The following ODAD3 variants were observed in gnomAD, a reference collection of about 807,000 sequenced individuals.
ODAD3 encodes outer dynein arm docking complex subunit 3.
In ODAD3, 57 loss-of-function variants were observed where a neutral mutation model predicts 70.9. The ratio of observed to expected loss-of-function variants is 0.80; its 90% confidence interval spans 0.65 to 1.00. ODAD3 has a LOEUF of 1.00. Ranked by LOEUF, ODAD3 falls within the 50% of genes least tolerant of loss-of-function variation. ODAD3 has a pLI of 0.00. For synonymous variants in ODAD3, 327 were observed against 315.9 expected, an observed-to-expected ratio of 1.04 and a Z score of -0.37; for missense variants, 797 against 763.9, an observed-to-expected ratio of 1.04 and a Z score of -0.51.
Position 11,429,899 on chromosome 19 carries a change from G to A in ODAD3, c.444+800C>T, listed in dbSNP as rs112401086. Among the ~76,000 whole-genome samples, 526 of 149,694 alleles carry A rather than the reference G, an allele frequency of 3.5e-3. 3 individuals are homozygous for A. The highest frequency in any genetic ancestry group is 0.012 in the African/African-American group (499 of 40,532). ...GTCACTCAGGCTGGAGTGCAGTGGT[G>A]CAATTGTGGCTCATTATAGTCTCAA... On this transcript the variant is annotated intron_variant, in intron 3 of 12. Transcript: ENST00000356392.
At chr19:11,423,827 G>T in intron 8 of ODAD3, 50 bp downstream of exon 8, 2 of 1,457,824 alleles carry the variant, frequency 1.4e-6, no homozygotes, top group East Asian at 2.7e-5. Context: ...CCTGGGGCCC[G>T]TCTGGGGTGG....
Position 11,422,312 on chromosome 19 carries a change from G to T in ODAD3, c.1434+159C>A, listed in dbSNP as rs2144754719. On this transcript the variant is annotated intron_variant, in intron 10 of 12. Transcript: ENST00000356392. The surrounding 1 kb of genome is among the most constrained non-coding windows in gnomAD (Gnocchi z 4.6). ...TGGGGCGGGGACTCTGAGGAATGGG[G>T]TGGGGCTTCCCCTGTGGGCGGGGCC... Among the ~76,000 whole-genome samples the T allele has an allele frequency of 6.6e-6, 1 of 152,172 alleles. No individual in the cohort carries two copies. Among genetic ancestry groups the T allele is most frequent in the South Asian group, 2.1e-4 (1 of 4,812 alleles).
chr19:11,434,575 G>T (rs1278735764), intron 1 of ODAD3, 198 bp downstream of exon 1: 5 of 478,542 alleles, frequency 1.0e-5, no homozygotes, highest in South Asian at 5.3e-5. Flanking sequence ...TTACAAGAAA[G>T]TATGAAGTAC....
intron 7 of ODAD3, among the ~76,000 whole-genome samples, 186 bp downstream of exon 7, chr19:11,425,958 G>A (rs1243231847): frequency 1.3e-5 from 2 of 151,052 alleles, no homozygotes; most frequent in Non-Finnish European, 3.0e-5. Context: ...AGGAGGGGAG[G>A]GGAGGAGAGG....
At position 11,422,732 on chromosome 19, in the gene ODAD3, G is replaced by A. The variant is rs777621110; in HGVS notation, c.1246C>T (p.Leu416Phe). ...KQQLQRELED[L>F]KYSGEATLVS... ...AGCGTGGCCTCCCCCGAGTACTTGAGGTCTTCCAGCTCCCGCTGCAGTTGT... is the reference window on the plus strand; with the variant it reads ...AGCGTGGCCTCCCCCGAGTACTTGAAGTCTTCCAGCTCCCGCTGCAGTTGT... Residue 416 changes from leucine to phenylalanine, a missense_variant, in exon 9 of 13, where the codon CTC becomes TTC. Leu to Phe is a conservative substitution (Grantham distance 22). Coordinates refer to ENST00000356392, the MANE Select transcript of ODAD3 (RefSeq NM_145045.5). This position sits in a 1 kb window ranked among gnomAD's most constrained non-coding sequence, Gnocchi z 4.6. 9 of 1,612,626 alleles carry A rather than the reference G, an allele frequency of 5.6e-6. No homozygotes were observed. The highest frequency in any genetic ancestry group is 1.7e-5 in the Admixed American group (1 of 60,000).
Position 11,421,170 on chromosome 19 carries a change from G to C in ODAD3, c.1633C>G (p.Arg545Gly). 1.2e-6 allele frequency: 2 copies of C among 1,613,644 alleles called. No homozygotes were observed. Among genetic ancestry groups the C allele is most frequent in the Non-Finnish European group, 1.7e-6 (2 of 1,179,924 alleles). Reference protein sequence around the residue: ...LEGRLPEYNTRIALPLATSKD... With the variant: ...LEGRLPEYNTGIALPLATSKD... ...GAAGTGGCAAGGGGCAGGGCGATGC[G>C]GGTGTTGTATTCGGGCAGCCTTCCC... The change falls in exon 12 of 13, where the codon CGC becomes GGC. Residue 545 changes from arginine to glycine, a missense_variant. Coordinates refer to ENST00000356392, the MANE Select transcript of ODAD3 (RefSeq NM_145045.5).
intron 7 of ODAD3, among the ~76,000 whole-genome samples, chr19:11,425,672 CA>C (rs145628052): frequency 1.6e-5 from 2 of 127,998 alleles, no homozygotes; most frequent in African/African-American, 3.7e-5. Context: ...TATATATATG[CA>C]AAAAAAACCT....
intron 12 of ODAD3, 22 bp from the exon 13 acceptor site, chr19:11,420,969 G>T: frequency 6.2e-7 from 1 of 1,607,870 alleles, no homozygotes; most frequent in Non-Finnish European, 8.5e-7. Context: ...GGGGGGATGA[G>T]CAGGGAGCGA....
At chr19:11,433,752 C>T (rs1012506207) in intron 1 of ODAD3, among the ~76,000 whole-genome samples, 2 of 152,006 alleles carry the variant, frequency 1.3e-5, no homozygotes, top group African/African-American at 4.8e-5. Flanking sequence ...CATAGTGAGA[C>T]CCCATCTCTA....
At chr19:11,430,033 C>G (rs1969471061) in intron 3 of ODAD3, among the ~76,000 whole-genome samples, 1 of 152,114 alleles carries the variant, frequency 6.6e-6, no homozygotes, top group Non-Finnish European at 1.5e-5. Flanking sequence ...CTGAGTCTCA[C>G]TCTGTCTCCC....
In ODAD3 at chr19:11,424,023, G is replaced by A. The variant is rs748442231; in HGVS notation, c.970C>T (p.Arg324Cys). 11 of 1,608,476 alleles carry A rather than the reference G, an allele frequency of 6.8e-6. No homozygotes were observed. In the African/African-American group the frequency reaches 1.2e-4, roughly 18 times the overall value. Residue 324 changes from arginine (R) to cysteine (C), a missense_variant, in exon 8 of 13, where the codon CGC becomes TGC. Arg to Cys is a radical substitution (Grantham distance 180, BLOSUM62 -3). Transcript: ENST00000356392. ...TCGGACTGTAGCAGCAGGTGCTCGCGGTGGGTCTGCTCGTGGGTTGAGGTC... is the reference window on the plus strand; with the variant it reads ...TCGGACTGTAGCAGCAGGTGCTCGCAGTGGGTCTGCTCGTGGGTTGAGGTC... ...ENERMERKTH[R>C]EHLLLQSDDT...
At chr19:11,427,774 AC>A (rs1969416289) in intron 3 of ODAD3, among the ~76,000 whole-genome samples, 1 of 150,226 alleles carries the variant, frequency 6.7e-6, no homozygotes, top group Non-Finnish European at 1.5e-5. Context: ...GAGCCACCTC[AC>A]CCAGCTATCT....
intron 3 of ODAD3, among the ~76,000 whole-genome samples, chr19:11,429,697 C>T (rs555891357): frequency 1.6e-4 from 24 of 152,186 alleles, no homozygotes; most frequent in Admixed American, 2.6e-4. Flanking sequence ...CATGAGCCAC[C>T]GCGCCCGGCC....
chr19:11,425,329 A>G (rs570081440), intron 7 of ODAD3, among the ~76,000 whole-genome samples: 2 of 130,946 alleles, frequency 1.5e-5, no homozygotes, highest in African/African-American at 3.4e-5. Context: ...GTATATGTAC[A>G]TATGTGTATA....
At position 11,434,886 on chromosome 19, in the gene ODAD3, G is replaced by A. The variant is rs769735869; in HGVS notation, c.131C>T (p.Thr44Ile). Residue 44 changes from threonine to isoleucine, a missense_variant, in exon 1 of 13, where the codon ACA (threonine) becomes ATA (isoleucine). Physicochemically the swap from Thr to Ile is moderately conservative, Grantham distance 89. Coordinates refer to ENST00000356392, the MANE Select transcript of ODAD3 (RefSeq NM_145045.5). Reference sequence around the variant, plus strand: ...ACGGCCTGGGGTCCACGCCTGGGCTGTGCCCTTGCCTCGGAGGTGGCTGGG... The same window carrying A: ...ACGGCCTGGGGTCCACGCCTGGGCTATGCCCTTGCCTCGGAGGTGGCTGGG... ...GKPSHLRGKG[T>I]AQAWTPGRSK... 1 of 1,614,186 alleles carries A rather than the reference G, an allele frequency of 6.2e-7. No individual in the cohort carries two copies. Among genetic ancestry groups the A allele is most frequent in the Non-Finnish European group, 8.5e-7 (1 of 1,180,046 alleles).
At chr19:11,427,116 T>C in intron 3 of ODAD3, 76 bp from the exon 4 acceptor site, 2 of 1,428,206 alleles carry the variant, frequency 1.4e-6, no homozygotes, top group Non-Finnish European at 1.8e-6. Context: ...CCTCCCTTCC[T>C]TCTCCCACAC....
chr19:11,434,534 CAAAA>C (rs35624049), intron 1 of ODAD3: 140 of 177,474 alleles, frequency 7.9e-4, no homozygotes, highest in Middle Eastern at 1.8e-3. Context: ...GAGATTCTGC[CAAAA>C]AAAAAAAAAA....
chr19:11,426,243 C>T lies in ODAD3; in HGVS notation c.864G>A (p.Glu288=), dbSNP rs1461769006. The T allele has an allele frequency of 4.3e-6, 7 of 1,613,980 alleles. No homozygotes were observed. Among genetic ancestry groups the T allele is most frequent in the African/African-American group, 1.3e-5 (1 of 75,026 alleles). Residue 288 remains glutamate, a synonymous_variant, in exon 7 of 13, where the codon GAG becomes GAA. Transcript: ENST00000356392. ...IAKNQLQYLE[E]TLVRERKKRE... ...GCTTCTTGCGCTCTCGAACCAAGGT[C>T]TCCTCTAGGTACTGCAGCTGGTTCT... is the stretch of plus-strand genomic sequence containing the variant.
At chr19:11,434,083 C>T (rs370260168) in intron 1 of ODAD3, among the ~76,000 whole-genome samples, 120 of 151,204 alleles carry the variant, frequency 7.9e-4, no homozygotes, top group African/African-American at 2.7e-3. Context: ...TGTGGTGGCA[C>T]GCACCTATAG....
Sources: allele counts gnomAD v4.1 joint callset (sites outside exome capture counted in the v4.1 genomes callset), GRCh38; gene constraint gnomAD v4.1.1; non-coding constraint Gnocchi (gnomAD v3.1); transcripts MANE v1.5; gene names NCBI Gene and HGNC (gene_info 2026-07-23, HGNC 2026-07-21).